Variants in ATG13 observed in about 807,000 individuals in gnomAD.
ATG13 encodes autophagy related 13, also known as autophagy-related protein 13.
ATG13 carries 23 observed loss-of-function variants against 65.5 expected under a neutral mutation model. That is an observed-to-expected ratio of 0.35 (90% CI 0.25 to 0.50). The LOEUF (loss-of-function observed/expected upper bound fraction) is 0.50. Ranked by LOEUF, ATG13 falls within the 20% of genes least tolerant of loss-of-function variation. The probability of loss-of-function intolerance (pLI) is 0.98; values close to 1 mark genes in which losing one functional copy is unlikely to be tolerated. For missense variants in ATG13, 566 were observed against 677.0 expected (o/e 0.84, Z 1.82); for synonymous variants, 252 against 245.2 (o/e 1.03, Z -0.26).
chr11:46,663,953 T>TTTTTTTTTTTTTTTTTTTC, intron 11 of ATG13, 44 bp from the exon 12 acceptor site: 1 of 1,151,478 alleles, frequency 8.7e-7, no homozygotes, highest in Non-Finnish European at 1.2e-6. Context: ...TTCTTTTTTT[T>TTTTTTTTTTTTTTTTTTTC]TTTTTTTTTT....
Position 46,657,036 on chromosome 11 carries a change from T to A in ATG13, c.500-59T>A, listed in dbSNP as rs1351718878. On this transcript the variant is annotated intron_variant, in intron 8 of 18. Transcript: ENST00000683050. ...GGCCAAATAATTCAGGGAAAGACGG[T>A]CTGGGGGCAGTGTCAGTATTCTCTG... 2.2e-6 allele frequency: 3 copies of A among 1,391,440 alleles called. No homozygotes were observed. In the East Asian group the frequency reaches 6.9e-5, roughly 32 times the overall value. 86.2% of individuals were successfully genotyped at this position (1,391,440 alleles called of 1,614,324 possible).
chr11:46,639,701 T>C (rs2055222820), intron 2 of ATG13, among the ~76,000 whole-genome samples: 1 of 151,834 alleles, frequency 6.6e-6, no homozygotes, highest in East Asian at 1.9e-4. Flanking sequence ...TGGGCTGAAG[T>C]GTGGAGATCA....
Position 46,657,208 on chromosome 11 carries a change from G to T in ATG13, c.596+17G>T. Reference sequence around the variant, plus strand: ...GTCTACCAGGTGAGGAAGAGCCCTGGAATCCAAAAGAACTCTTCCGAAAAT... The same window carrying T: ...GTCTACCAGGTGAGGAAGAGCCCTGTAATCCAAAAGAACTCTTCCGAAAAT... On this transcript the variant is annotated intron_variant, in intron 9 of 18. Transcript: ENST00000683050. The T allele has an allele frequency of 1.3e-6, 2 of 1,594,246 alleles. No individual in the cohort carries two copies. The highest frequency in any genetic ancestry group is 8.6e-7 in the Non-Finnish European group (1 of 1,162,782).
At chr11:46,624,146 A>G (rs2048667371) in intron 1 of ATG13, among the ~76,000 whole-genome samples, 1 of 151,916 alleles carries the variant, frequency 6.6e-6, no homozygotes, top group Admixed American at 6.6e-5. Flanking sequence ...CTGGGACTAC[A>G]GGCATGCGTC....
intron 3 of ATG13, 141 bp from the exon 4 acceptor site, chr11:46,645,198 T>C (rs2057204142): frequency 1.3e-5 from 8 of 628,580 alleles, no homozygotes; most frequent in Non-Finnish European, 1.8e-5. Flanking sequence ...ATTAAAATTA[T>C]ACTGTTTCCC....
At chr11:46,622,695 G>T (rs370012245) in intron 1 of ATG13, among the ~76,000 whole-genome samples, 1 of 152,148 alleles carries the variant, frequency 6.6e-6, no homozygotes, top group Admixed American at 6.6e-5. Context: ...ACTGATACAC[G>T]TATGTTCTGC....
intron 7 of ATG13, among the ~76,000 whole-genome samples, chr11:46,654,175 G>A (rs1412203368): frequency 1.3e-5 from 2 of 150,274 alleles, no homozygotes; most frequent in South Asian, 4.2e-4. Context: ...GCTCACACCT[G>A]TAATCCCAGC....
rs770280348 is a variant in ATG13, at chr11:46,672,735, C to A, written c.*403C>A. 1 of 1,337,184 alleles carries A rather than the reference C, an allele frequency of 7.5e-7. No homozygotes were observed. The highest frequency in any genetic ancestry group is 2.0e-5 in the Admixed American group (1 of 49,696). The allele number at this position is 1,337,184 out of a possible 1,614,324, so 82.8% of individuals were successfully genotyped here. On this transcript the variant is annotated 3_prime_UTR_variant, in exon 19 of 19. Coordinates refer to ENST00000683050, the MANE Select transcript of ATG13 (RefSeq NM_001346311.2). ...TGTCACCATCCACTGTTTGACATTCCAGCTGGTGGCCAAGAGATTGGTGTG... is the reference window on the plus strand; with the variant it reads ...TGTCACCATCCACTGTTTGACATTCAAGCTGGTGGCCAAGAGATTGGTGTG...
chr11:46,636,046 C>T (rs1018502680), intron 2 of ATG13, among the ~76,000 whole-genome samples: 1 of 152,036 alleles, frequency 6.6e-6, no homozygotes, highest in Non-Finnish European at 1.5e-5. Context: ...TTAGGAATGT[C>T]TGAAGTGGGT....
chr11:46,665,308 A>G, intron 13 of ATG13, 75 bp from the exon 14 acceptor site: 4 of 1,539,544 alleles, frequency 2.6e-6, no homozygotes, highest in Middle Eastern at 1.7e-4. Flanking sequence ...AGCAGATACC[A>G]TCATGCTAGA....
At position 46,672,547 on chromosome 11, in the gene ATG13, G is replaced by T; in HGVS notation, c.*215G>T. 6.9e-7 allele frequency: 1 copy of T among 1,449,714 alleles called. No homozygotes were observed. Among genetic ancestry groups the T allele is most frequent in the Non-Finnish European group, 9.1e-7 (1 of 1,099,212 alleles). The allele number at this position is 1,449,714 out of a possible 1,614,324, so 89.8% of individuals were successfully genotyped here. A position where few individuals can be genotyped will look rare whatever the true frequency, so the allele number is the denominator to read the frequency against. ...GTGCCCAGTTGGAGAAGACTCACGT[G>T]CTGGCCTTGGAGATGGGAAGAACCT... On this transcript the variant is annotated 3_prime_UTR_variant, in exon 19 of 19. Coordinates refer to ENST00000683050, the MANE Select transcript of ATG13 (RefSeq NM_001346311.2).
chr11:46,634,623 G>C (rs2053277319), intron 2 of ATG13, among the ~76,000 whole-genome samples: 1 of 151,854 alleles, frequency 6.6e-6, no homozygotes, highest in African/African-American at 2.4e-5. Context: ...TCAAACTCCT[G>C]ACCTCAAGTA....
At chr11:46,646,066 T>C (rs1315213199) in intron 5 of ATG13, 77 bp downstream of exon 5, 7 of 1,561,672 alleles carry the variant, frequency 4.5e-6, no homozygotes, top group Non-Finnish European at 6.1e-6. Context: ...CATTTCTCAG[T>C]CTTATTCCTG....
In ATG13 at chr11:46,664,984, A is replaced by G. The variant is rs780195044; in HGVS notation, c.999+25A>G. 22 of 1,599,884 alleles carry G rather than the reference A, an allele frequency of 1.4e-5. No individual in the cohort carries two copies. The Admixed American group carries it at 1.7e-4, about 12-fold the overall frequency. On this transcript the variant is annotated intron_variant, in intron 13 of 18. Transcript: ENST00000683050. The stretch of plus-strand genomic sequence containing the variant: ...GGTATCTTTAAAGATGGGGAGGACT[A>G]TGGGTTTCCAGTGCTGCCTCCCCTG...
At chr11:46,638,177 C>T (rs1039059036) in intron 2 of ATG13, among the ~76,000 whole-genome samples, 3 of 152,128 alleles carry the variant, frequency 2.0e-5, no homozygotes, top group African/African-American at 7.2e-5. Context: ...TGGCTCATGT[C>T]TGTAATCCCA....
intron 10 of ATG13, among the ~76,000 whole-genome samples, chr11:46,658,949 G>A (rs1296354556): frequency 6.6e-6 from 1 of 152,180 alleles, no homozygotes; most frequent in African/African-American, 2.4e-5. Context: ...TAGCACTTTG[G>A]GAGGCTGAGG....
intron 1 of ATG13, among the ~76,000 whole-genome samples, chr11:46,628,329 C>T (rs1425775817): frequency 6.6e-6 from 1 of 152,012 alleles, no homozygotes; most frequent in Non-Finnish European, 1.5e-5. Context: ...TTGAACCTGG[C>T]AGGTGGAGAT....
chr11:46,664,037 C>T lies in ATG13; in HGVS notation c.830C>T (p.Thr277Ile). 1 of 1,575,752 alleles carries T rather than the reference C, an allele frequency of 6.3e-7. No homozygotes were observed. Among genetic ancestry groups the T allele is most frequent in the Non-Finnish European group, 8.6e-7 (1 of 1,166,570 alleles). The stretch of plus-strand genomic sequence containing the variant: ...ACAAAGGCACATTTTCAGACCCCTA[C>T]TCCTGTGGTGACGGACACCCTGAGG... ...TVTKAHFQTP[T>I]PVVTDTLRVP... is the part of the protein sequence containing the mutation. Residue 277 changes from threonine (T) to isoleucine (I), a missense_variant, in exon 12 of 19, where the codon ACT becomes ATT. Transcript: ENST00000683050.
At chr11:46,625,665 A>T (rs1452674177) in intron 1 of ATG13, among the ~76,000 whole-genome samples, 5 of 152,162 alleles carry the variant, frequency 3.3e-5, no homozygotes, top group Non-Finnish European at 7.3e-5. Flanking sequence ...GGAGAAGAGG[A>T]ATTCCGCTGA....
Sources: allele counts gnomAD v4.1 joint callset (sites outside exome capture counted in the v4.1 genomes callset), GRCh38; gene constraint gnomAD v4.1.1; transcripts MANE v1.5; gene names NCBI Gene and HGNC (gene_info 2026-07-23, HGNC 2026-07-21).